The following EGFL6 variants were observed in gnomAD, a reference collection of about 807,000 sequenced individuals.
EGFL6 encodes EGF like domain multiple 6.
In EGFL6, 42 loss-of-function variants were observed where a neutral mutation model predicts 43.1. The ratio of observed to expected loss-of-function variants is 0.98; its 90% CI spans 0.76 to 1.26. The LOEUF is 1.26. EGFL6 is among the 50% of genes most tolerant of loss of function. The pLI is 0.00. For missense variants in EGFL6, 429 were observed against 427.8 expected, an observed-to-expected ratio of 1.00 and a Z score of -0.02; for synonymous variants, 164 against 163.2, an observed-to-expected ratio of 1.01 and a Z score of -0.04.
At chrX:13,630,527 A>T (rs757683445) in intron 11 of EGFL6, among the ~76,000 whole-genome samples, 5 of 111,683 alleles carry the variant, frequency 4.5e-5, no homozygotes, top group Non-Finnish European at 9.4e-5. Context: ...CTTTGGGTGC[A>T]AAAGGAACAT....
chrX:13,576,521 A>T (rs2045472036), intron 1 of EGFL6, among the ~76,000 whole-genome samples: 1 of 112,029 alleles, frequency 8.9e-6, no homozygotes. Context: ...TCCTCCCTTC[A>T]CAGCCACATC....
intron 10 of EGFL6, among the ~76,000 whole-genome samples, chrX:13,626,181 T>C (rs2045779767): frequency 8.9e-6 from 1 of 111,785 alleles, no homozygotes; most frequent in Admixed American, 9.5e-5. Context: ...CTGGATACCC[T>C]ACTAGCTGGG....
chrX:13,597,924 T>C lies in EGFL6; in HGVS notation c.281-2051T>C, dbSNP rs751817786. 1.7e-3 allele frequency among the ~76,000 whole-genome samples: 193 copies of C among 112,622 alleles called. 1 individual carries two copies. The highest frequency in any genetic ancestry group is 6.1e-3 in the African/African-American group (189 of 31,014). ...CAAGAGATTTGGAATAGAGACAATA[T>C]TTTCCACGCTAGTTTTAAAGTCTCA... On this transcript the variant is annotated intron_variant, in intron 3 of 11. Coordinates refer to ENST00000361306, the MANE Select transcript of EGFL6 (RefSeq NM_015507.4).
intron 7 of EGFL6, among the ~76,000 whole-genome samples, 155 bp downstream of exon 7, chrX:13,608,601 T>G (rs2045673456): frequency 8.9e-6 from 1 of 111,997 alleles, no homozygotes; most frequent in South Asian, 3.7e-4. Context: ...TTTAACTCTC[T>G]GCCTCAGCCT....
intron 1 of EGFL6, among the ~76,000 whole-genome samples, chrX:13,580,626 C>A (rs1008285519): frequency 1.8e-5 from 2 of 111,716 alleles, no homozygotes; most frequent in Non-Finnish European, 3.8e-5. Context: ...CCCCTGCCTA[C>A]CATCATCCAG....
chrX:13,579,604 T>A (rs2045493917), intron 1 of EGFL6, among the ~76,000 whole-genome samples: 1 of 111,895 alleles, frequency 8.9e-6, no homozygotes, highest in Non-Finnish European at 1.9e-5. Flanking sequence ...CCTTTGGATA[T>A]ATACCCAGAA....
chrX:13,609,611 G>A (rs934425022), intron 7 of EGFL6, among the ~76,000 whole-genome samples: 4 of 110,471 alleles, frequency 3.6e-5, no homozygotes, highest in South Asian at 3.9e-4. Flanking sequence ...AAAATTAGCC[G>A]GGCATGGTGG....
intron 7 of EGFL6, among the ~76,000 whole-genome samples, chrX:13,616,696 A>C (rs2045719729): frequency 8.9e-6 from 1 of 112,079 alleles, no homozygotes; most frequent in Non-Finnish European, 1.9e-5. Flanking sequence ...TAACATGATG[A>C]GTGCCTTTGG....
intron 2 of EGFL6, among the ~76,000 whole-genome samples, chrX:13,593,125 G>C (rs1040966811): frequency 1.8e-5 from 2 of 109,791 alleles, no homozygotes; most frequent in African/African-American, 3.3e-5. Context: ...ATGTTGGCCG[G>C]GCTGGTCTCA....
At chrX:13,589,770 C>T (rs2045553836) in intron 2 of EGFL6, 102 bp downstream of exon 2, 1 of 590,585 alleles carries the variant, frequency 1.7e-6, no homozygotes, top group Non-Finnish European at 2.6e-6. Context: ...ATCTCTCAGG[C>T]AAGGACATGC....
chrX:13,618,150 T>A, intron 8 of EGFL6, 97 bp downstream of exon 8: 2 of 872,810 alleles, frequency 2.3e-6, no homozygotes, highest in Non-Finnish European at 3.2e-6. Flanking sequence ...ACAGCTTAAG[T>A]AAAATGGGTT....
chrX:13,631,268 G>A (rs771837246), intron 11 of EGFL6, among the ~76,000 whole-genome samples: 10 of 111,446 alleles, frequency 9.0e-5, no homozygotes, highest in South Asian at 7.6e-4. Context: ...TGCTTATTTC[G>A]GATATTGAAG....
At chrX:13,600,291 T>C (rs1159358543) in intron 4 of EGFL6, among the ~76,000 whole-genome samples, 197 bp downstream of exon 4, 3 of 84,115 alleles carry the variant, frequency 3.6e-5, no homozygotes, top group South Asian at 6.9e-4. Context: ...TTTTTTTTTT[T>C]TTTTTTTTTT....
intron 1 of EGFL6, among the ~76,000 whole-genome samples, chrX:13,585,946 A>G (rs1452205963): frequency 8.9e-6 from 1 of 111,915 alleles, no homozygotes; most frequent in Non-Finnish European, 1.9e-5. Flanking sequence ...TTTCTCACAG[A>G]TGTGTATGGT....
At chrX:13,596,911 G>A (rs772868424) in intron 3 of EGFL6, among the ~76,000 whole-genome samples, 50 of 112,253 alleles carry the variant, frequency 4.5e-4, no homozygotes, top group Non-Finnish European at 8.3e-4. Flanking sequence ...TGCTGTAAAC[G>A]TGGTGAATAA....
At chrX:13,594,701 C>A in intron 2 of EGFL6, 135 bp from the exon 3 acceptor site, 5 of 446,577 alleles carry the variant, frequency 1.1e-5, no homozygotes, top group Non-Finnish European at 1.9e-5. Flanking sequence ...TATTGCCTCC[C>A]TTCAAAGGGA....
chrX:13,591,258 C>T (rs1402097793), intron 2 of EGFL6, among the ~76,000 whole-genome samples: 10 of 111,626 alleles, frequency 9.0e-5, no homozygotes, highest in South Asian at 3.8e-4. Context: ...GCAAAAACCA[C>T]GTGAAACACA....
In EGFL6 at chrX:13,570,612, G is replaced by T. The variant is rs35550490; in HGVS notation, c.74+677G>T. ...ACCTGAAATATTTTTTCCAGAGATC[G>T]GCAAAGACGCTTAGTAAATGCACGC... On this transcript the variant is annotated intron_variant, in intron 1 of 11. Coordinates refer to ENST00000361306, the MANE Select transcript of EGFL6 (RefSeq NM_015507.4). 9.3e-3 allele frequency among the ~76,000 whole-genome samples: 1,040 copies of T among 111,569 alleles called. 3 individuals are homozygous for T. The highest frequency in any genetic ancestry group is 0.018 in the Middle Eastern group (4 of 217).
At chrX:13,629,324 A>G (rs758699089) in intron 11 of EGFL6, among the ~76,000 whole-genome samples, 2 of 112,572 alleles carry the variant, frequency 1.8e-5, no homozygotes, top group South Asian at 7.3e-4. Flanking sequence ...CACAGCATTC[A>G]TAATCACTTT....
Sources: gnomAD v4.1 joint callset for allele counts (sites outside exome capture counted in the v4.1 genomes callset) on GRCh38, gnomAD v4.1.1 for gene constraint, MANE v1.5 for transcripts, NCBI Gene and HGNC (gene_info 2026-07-23, HGNC 2026-07-21) for gene names.